The following NRXN1 variants were observed in gnomAD, a reference collection of about 807,000 sequenced individuals.
NRXN1 encodes neurexin-1.
In NRXN1, 39 loss-of-function variants were observed where a neutral mutation model predicts 150.9. The observed-to-expected ratio is 0.26, with a 90% confidence interval of 0.20 to 0.34. NRXN1 has a LOEUF of 0.34. Ranked by LOEUF, NRXN1 falls within the 10% of genes least tolerant of loss-of-function variation. The pLI, the probability that NRXN1 is intolerant of heterozygous loss-of-function variation, is 1.00. For missense variants in NRXN1, 1,815 were observed against 1,949.9 expected, an observed-to-expected ratio of 0.93 and a Z score of 1.30; for synonymous variants, 924 against 757.0, an observed-to-expected ratio of 1.22 and a Z score of -3.62.
At chr2:50,201,981 T>A (rs1005212785) in intron 18 of NRXN1, among the ~76,000 whole-genome samples, 1 of 152,210 alleles carries the variant, frequency 6.6e-6, no homozygotes, top group African/African-American at 2.4e-5. Context: ...CAAGTCTACT[T>A]TTATTCAATA....
At chr2:50,349,013 G>C (rs2078235274) in intron 17 of NRXN1, among the ~76,000 whole-genome samples, 1 of 152,126 alleles carries the variant, frequency 6.6e-6, no homozygotes, top group Non-Finnish European at 1.5e-5. Flanking sequence ...ACTAACCCAA[G>C]TGGCCATTTA....
At chr2:49,981,000 G>A (rs57707897) in intron 21 of NRXN1, among the ~76,000 whole-genome samples, 8 of 151,684 alleles carry the variant, frequency 5.3e-5, no homozygotes, top group Non-Finnish European at 1.0e-4. Context: ...CAGAAATCTT[G>A]CAATTCTAGT....
intron 5 of NRXN1, among the ~76,000 whole-genome samples, chr2:50,658,343 A>G (rs1686792767): frequency 6.6e-6 from 1 of 150,952 alleles, no homozygotes; most frequent in Admixed American, 6.6e-5. Flanking sequence ...CCTCAGAAAC[A>G]GGGCAAAAAA....
At chr2:50,405,560 C>A (rs576692066) in intron 17 of NRXN1, among the ~76,000 whole-genome samples, 14 of 152,194 alleles carry the variant, frequency 9.2e-5, no homozygotes, top group African/African-American at 3.1e-4. Context: ...TTGGTAGCAC[C>A]CAATTTGGGG....
intron 18 of NRXN1, among the ~76,000 whole-genome samples, chr2:50,122,087 C>T (rs968865238): frequency 1.3e-5 from 2 of 152,170 alleles, no homozygotes; most frequent in Non-Finnish European, 2.9e-5. Flanking sequence ...GGCAGTTCTT[C>T]AAGTCTAGGC....
chr2:50,956,928 T>G (rs984792594), intron 2 of NRXN1, among the ~76,000 whole-genome samples: 1 of 151,878 alleles, frequency 6.6e-6, no homozygotes, highest in Admixed American at 6.6e-5. Context: ...TTCCCCAGAA[T>G]GAAGGAGCAG....
chr2:50,531,171 C>A (rs1573423796), intron 11 of NRXN1, 56 bp downstream of exon 11: 2 of 1,413,100 alleles, frequency 1.4e-6, no homozygotes, highest in Non-Finnish European at 2.0e-6. Flanking sequence ...TGTTTGCAGG[C>A]AAATTGAACA....
chr2:50,369,780 A>G (rs1355509024), intron 17 of NRXN1, among the ~76,000 whole-genome samples: 1 of 151,882 alleles, frequency 6.6e-6, no homozygotes, highest in Non-Finnish European at 1.5e-5. Flanking sequence ...TCTTCTACCC[A>G]TTTCTGTGAA....
At chr2:50,827,173 T>G (rs1169588504) in intron 5 of NRXN1, among the ~76,000 whole-genome samples, 1 of 152,200 alleles carries the variant, frequency 6.6e-6, no homozygotes, top group Non-Finnish European at 1.5e-5. Context: ...GAATGGCAAA[T>G]AGCCTGGAAG....
intron 21 of NRXN1, among the ~76,000 whole-genome samples, chr2:49,949,403 A>G (rs1673527825): frequency 6.6e-6 from 1 of 152,032 alleles, no homozygotes; most frequent in African/African-American, 2.4e-5. Context: ...ATACAAGGAA[A>G]GCACGAATAA....
At chr2:50,110,649 G>A (rs1045971852) in intron 18 of NRXN1, among the ~76,000 whole-genome samples, 1 of 151,990 alleles carries the variant, frequency 6.6e-6, no homozygotes, top group Admixed American at 6.5e-5. Flanking sequence ...ATAAGTCCTA[G>A]ACAATAAAAA....
At chr2:50,837,479 C>T (rs1414474459) in intron 5 of NRXN1, among the ~76,000 whole-genome samples, 3 of 152,036 alleles carry the variant, frequency 2.0e-5, no homozygotes. Context: ...GACTCATTTT[C>T]TTTCTTGCAA....
chr2:50,624,388 A>C (rs1313643606), intron 5 of NRXN1, among the ~76,000 whole-genome samples: 2 of 152,060 alleles, frequency 1.3e-5, no homozygotes, highest in African/African-American at 2.4e-5. Context: ...GGATGGTTCC[A>C]CTCTGCTGAC....
At chr2:50,388,901 T>C (rs2081503603) in intron 17 of NRXN1, among the ~76,000 whole-genome samples, 1 of 152,146 alleles carries the variant, frequency 6.6e-6, no homozygotes, top group South Asian at 2.1e-4. Flanking sequence ...ATGTTTATAG[T>C]CTGGTTAATT....
In NRXN1 at chr2:50,725,344, T is replaced by TA. The variant is rs377367298; in HGVS notation, c.833-101730dup. ...TATATGTGGAAAGTTTTCAACAACTTAAAAAAAAAAACCCACAAAACTCTA... is the reference window on the plus strand; with the variant it reads ...TATATGTGGAAAGTTTTCAACAACTTAAAAAAAAAAAACCCACAAAACTCTA... On this transcript the variant is annotated intron_variant, in intron 5 of 22. Transcript: ENST00000401669. Among the ~76,000 whole-genome samples, 577 of 143,822 alleles carry TA rather than the reference T, an allele frequency of 4.0e-3. 2 individuals are homozygous for TA. The highest frequency in any genetic ancestry group is 5.7e-3 in the African/African-American group (226 of 39,350). 94.4% of individuals were successfully genotyped at this position (143,822 alleles called of 152,430 possible).
intron 5 of NRXN1, among the ~76,000 whole-genome samples, chr2:50,693,687 T>C (rs1468341670): frequency 1.3e-5 from 2 of 152,220 alleles, no homozygotes; most frequent in East Asian, 3.8e-4. Flanking sequence ...AACTAGGACC[T>C]AATATCTATA....
At chr2:50,791,302 A>G in intron 5 of NRXN1, among the ~76,000 whole-genome samples, 1 of 124,588 alleles carries the variant, frequency 8.0e-6, no homozygotes, top group African/African-American at 3.1e-5. Context: ...GGAGATTCCA[A>G]ACTGCTTGCT....
At chr2:50,837,205 C>T (rs1394558103) in intron 5 of NRXN1, among the ~76,000 whole-genome samples, 1 of 152,104 alleles carries the variant, frequency 6.6e-6, no homozygotes, top group Non-Finnish European at 1.5e-5. Flanking sequence ...TAAGAAACAA[C>T]AAGTAGTGTT....
intron 17 of NRXN1, among the ~76,000 whole-genome samples, chr2:50,445,386 C>G (rs2086310386): frequency 6.6e-6 from 1 of 152,140 alleles, no homozygotes; most frequent in South Asian, 2.1e-4. Context: ...TAGCTTTTAT[C>G]CACATAACTC....
Sources: gnomAD v4.1 joint callset for allele counts (sites outside exome capture counted in the v4.1 genomes callset) on GRCh38, gnomAD v4.1.1 for gene constraint, MANE v1.5 for transcripts, NCBI Gene and HGNC (gene_info 2026-07-23, HGNC 2026-07-21) for gene names.